Variants in TMEM212 observed in about 807,000 individuals in gnomAD.
TMEM212 encodes the protein transmembrane protein 212.
A neutral mutation model predicts 20.5 loss-of-function variants in TMEM212; 23 were observed. The ratio of observed to expected loss-of-function variants is 1.12; its 90% CI spans 0.81 to 1.59. The LOEUF is 1.59. Ranked by LOEUF, TMEM212 falls within the 40% of genes most tolerant of loss-of-function variation. The pLI, the probability that TMEM212 is intolerant of heterozygous loss-of-function variation, is 0.00. For synonymous variants in TMEM212, 76 were observed against 81.6 expected, an observed-to-expected ratio of 0.93 and a Z score of 0.37; for missense variants, 211 against 215.0, an observed-to-expected ratio of 0.98 and a Z score of 0.12.
At chr3:171,849,530 G>A (rs576851978) in intron 1 of TMEM212, among the ~76,000 whole-genome samples, 96 of 152,208 alleles carry the variant, frequency 6.3e-4, no homozygotes, top group African/African-American at 2.1e-3. Context: ...GTTAACACAT[G>A]TGAAGTGTTC....
chr3:171,849,950 C>G (rs1001367436), intron 1 of TMEM212, among the ~76,000 whole-genome samples: 1 of 152,056 alleles, frequency 6.6e-6, no homozygotes, highest in African/African-American at 2.4e-5. Flanking sequence ...CTGCCAGACA[C>G]AGCCTCCACT....
Position 171,854,094 on chromosome 3 carries a change from C to A in TMEM212, c.543+244C>A, listed in dbSNP as rs568745613. ...ACCAGCCAATTTTTATGTCAATCCA[C>A]AATTTTGAAAATTATTCATAGGAAC... On this transcript the variant is annotated intron_variant, in intron 3 of 4. Coordinates refer to ENST00000334567, the MANE Select transcript of TMEM212 (RefSeq NM_001164436.2). Among the ~76,000 whole-genome samples the A allele has an allele frequency of 2.6e-5, 4 of 152,180 alleles. No homozygotes were observed. The East Asian group carries it at 5.8e-4, about 22-fold the overall frequency.
At chr3:171,849,421 A>C (rs1371302106) in intron 1 of TMEM212, among the ~76,000 whole-genome samples, 1 of 152,142 alleles carries the variant, frequency 6.6e-6, no homozygotes, top group African/African-American at 2.4e-5. Flanking sequence ...TTGTACAATT[A>C]CTATTTGGGG....
chr3:171,853,710 T>C lies in TMEM212; in HGVS notation c.403T>C (p.Cys135Arg). Residue 135 changes from cysteine to arginine, a missense_variant, in exon 3 of 5, where the codon TGT becomes CGT. By Grantham distance (180) the Cys-to-Arg change is radical. Transcript: ENST00000334567. ...TCCATATGCAAAATTCCCATTAGCC[T>C]GTGTGGACCCACCACACTACGAAGA... ...PYPYAKFPLA[C>R]VDPPHYEEYH... 6.5e-7 allele frequency: 1 copy of C among 1,537,540 alleles called. No individual in the cohort carries two copies. The highest frequency in any genetic ancestry group is 8.7e-7 in the Non-Finnish European group (1 of 1,146,936).
chr3:171,854,471 T>C (rs1725064828), intron 3 of TMEM212, among the ~76,000 whole-genome samples: 1 of 152,088 alleles, frequency 6.6e-6, no homozygotes, highest in Non-Finnish European at 1.5e-5. Flanking sequence ...TACTAAAAAC[T>C]ACAAAATATT....
intron 3 of TMEM212, among the ~76,000 whole-genome samples, chr3:171,856,049 ACT>A (rs929793684): frequency 1.3e-5 from 2 of 152,116 alleles, no homozygotes; most frequent in Non-Finnish European, 2.9e-5. Flanking sequence ...ACAAAAGTTA[ACT>A]CTGAGCCCTG....
Position 171,843,360 on chromosome 3 carries a change from C to G in TMEM212, c.-24C>G. The G allele has an allele frequency of 6.6e-7, 1 of 1,521,880 alleles. No homozygotes were observed. The highest frequency in any genetic ancestry group is 1.4e-5 in the African/African-American group (1 of 72,486). The allele number at this position is 1,521,880 out of a possible 1,614,324, so 94.3% of individuals were successfully genotyped here. ...TTTGGTAACAAAACATCTTTGAGAC[C>G]AAGGCCTCAAGCCACCAAGGAAAAT... On this transcript the variant is annotated 5_prime_UTR_variant, in exon 1 of 5. Transcript: ENST00000334567.
intron 3 of TMEM212, among the ~76,000 whole-genome samples, chr3:171,855,051 T>C (rs1050824024): frequency 6.6e-6 from 1 of 150,380 alleles, no homozygotes; most frequent in East Asian, 1.9e-4. Flanking sequence ...AGGTCTTTAA[T>C]ATTAAAAAAT....
intron 1 of TMEM212, among the ~76,000 whole-genome samples, chr3:171,844,922 T>TG (rs1724798814): frequency 6.6e-6 from 1 of 152,114 alleles, no homozygotes; most frequent in Non-Finnish European, 1.5e-5. Context: ...CTTGGTCTAG[T>TG]GGGGTTTGAT....
chr3:171,844,147 C>T lies in TMEM212; in HGVS notation c.159+605C>T, dbSNP rs569479556. On this transcript the variant is annotated intron_variant, in intron 1 of 4. Transcript: ENST00000334567. ...AAGTACATGTGCCAAGTACAGCGTA[C>T]GACACTAAGTAGTACTCCGTGTGCG... Among the ~76,000 whole-genome samples, 79 of 152,222 alleles carry T rather than the reference C, an allele frequency of 5.2e-4. No homozygotes were observed. In the Middle Eastern group the frequency reaches 0.02, roughly 39 times the overall value.
At chr3:171,851,019 T>C (rs1724965642) in intron 1 of TMEM212, among the ~76,000 whole-genome samples, 1 of 152,236 alleles carries the variant, frequency 6.6e-6, no homozygotes, top group African/African-American at 2.4e-5. Flanking sequence ...TGATTTTTTT[T>C]CCTCCTTAAC....
rs189063571 is a variant in TMEM212 at position 171,852,556 on chromosome 3, C to G, written c.219+515C>G. On this transcript the variant is annotated intron_variant, in intron 2 of 4. Coordinates refer to ENST00000334567, the MANE Select transcript of TMEM212 (RefSeq NM_001164436.2). ...AATATTTTCTACAAGTTCCTGTGATCATTATTGTATTTGGGGAGGACAGAG... is the reference window on the plus strand; with the variant it reads ...AATATTTTCTACAAGTTCCTGTGATGATTATTGTATTTGGGGAGGACAGAG... 1.6e-3 allele frequency among the ~76,000 whole-genome samples: 248 copies of G among 152,274 alleles called. 1 individual carries two copies. The highest frequency in any genetic ancestry group is 6.9e-3 in the Admixed American group (106 of 15,296).
chr3:171,854,380 A>T (rs1020841333), intron 3 of TMEM212, among the ~76,000 whole-genome samples: 2 of 152,182 alleles, frequency 1.3e-5, no homozygotes, highest in East Asian at 3.8e-4. Context: ...ACACACTAAC[A>T]ACAAACAATC....
chr3:171,849,673 A>G (rs1399561673), intron 1 of TMEM212, among the ~76,000 whole-genome samples: 1 of 152,216 alleles, frequency 6.6e-6, no homozygotes, highest in Admixed American at 6.5e-5. Flanking sequence ...CCATATTAAT[A>G]TGATACCTCT....
chr3:171,843,586 G>C lies in TMEM212; in HGVS notation c.159+44G>C, dbSNP rs1226984684. Reference sequence around the variant, plus strand: ...AAATATATTGAGAAAATAAAAGAAGGTGGGAGGGAAAGGGAAAACAGAAGA... The same window carrying C: ...AAATATATTGAGAAAATAAAAGAAGCTGGGAGGGAAAGGGAAAACAGAAGA... On this transcript the variant is annotated intron_variant, in intron 1 of 4. Coordinates refer to ENST00000334567, the MANE Select transcript of TMEM212 (RefSeq NM_001164436.2). 2.1e-6 allele frequency: 3 copies of C among 1,457,818 alleles called. No homozygotes were observed. The Admixed American group carries it at 6.8e-5, about 33-fold the overall frequency. The allele number at this position is 1,457,818 out of a possible 1,614,324, so 90.3% of individuals were successfully genotyped here.
At position 171,843,414 on chromosome 3, in the gene TMEM212, A is replaced by G; in HGVS notation, c.31A>G (p.Ile11Val). 6.5e-7 allele frequency: 1 copy of G among 1,536,646 alleles called. No individual in the cohort carries two copies. MKGLYQAAGR[I>V]LVTLGILSVC... ...GGGCCTCTACCAGGCTGCTGGCCGGATTCTTGTTACTCTGGGGATCCTCAG... is the reference window on the plus strand; with the variant it reads ...GGGCCTCTACCAGGCTGCTGGCCGGGTTCTTGTTACTCTGGGGATCCTCAG... The change falls in exon 1 of 5, where the codon ATT (isoleucine) becomes GTT (valine). Residue 11 changes from isoleucine (I) to valine (V), a missense_variant. Ile to Val is a conservative substitution (Grantham distance 29). Coordinates refer to ENST00000334567, the MANE Select transcript of TMEM212 (RefSeq NM_001164436.2).
chr3:171,843,573 A>G (rs1305933658), intron 1 of TMEM212, 31 bp downstream of exon 1: 4 of 1,491,628 alleles, frequency 2.7e-6, no homozygotes, highest in East Asian at 2.5e-5. Context: ...ATATATTGAG[A>G]AAATAAAAGA....
At chr3:171,847,878 G>C (rs565266578) in intron 1 of TMEM212, among the ~76,000 whole-genome samples, 5 of 152,120 alleles carry the variant, frequency 3.3e-5, no homozygotes, top group African/African-American at 7.2e-5. Context: ...ATCAGCAGCA[G>C]GGTTCTTGTG....
chr3:171,851,085 A>G (rs1051548797), intron 1 of TMEM212, among the ~76,000 whole-genome samples: 9 of 152,182 alleles, frequency 5.9e-5, no homozygotes, highest in African/African-American at 2.2e-4. Context: ...GCTAACTTGT[A>G]CTATATTTAG....
Sources: allele counts gnomAD v4.1 joint callset (sites outside exome capture counted in the v4.1 genomes callset), GRCh38; gene constraint gnomAD v4.1.1; transcripts MANE v1.5; gene names NCBI Gene and HGNC (gene_info 2026-07-23, HGNC 2026-07-21).